Variants in TGFB1I1 observed in about 807,000 individuals in gnomAD.
TGFB1I1 encodes the protein transforming growth factor beta 1 induced transcript 1.
Under a neutral mutation model 52.0 loss-of-function variants are expected in TGFB1I1, and 33 were observed. The ratio of observed to expected loss-of-function variants is 0.63; its 90% CI spans 0.48 to 0.85. The LOEUF is 0.85. TGFB1I1 is among the 40% of genes least tolerant of loss of function. TGFB1I1 has a pLI of 0.00. For missense variants in TGFB1I1, 577 were observed against 614.9 expected (o/e 0.94, Z 0.65); for synonymous variants, 236 against 253.3 (o/e 0.93, Z 0.65).
rs1447688628 is a variant in TGFB1I1, at chr16:31,474,321, CTGAGA to C, written c.414-25_414-21del. The C allele has an allele frequency of 1.9e-6, 3 of 1,613,896 alleles. No homozygotes were observed. In the African/African-American group the frequency reaches 4.0e-5, roughly 22 times the overall value. ...AGAGGGAGCGTTGCTCTGGGAGGCT[CTGAGA>C]TGACACAAGCATGTTCTTCACAGCC... is the stretch of plus-strand genomic sequence containing the variant. On this transcript the variant is annotated intron_variant, in intron 5 of 10. Transcript: ENST00000394863. This position sits in a 1 kb window ranked among gnomAD's most constrained non-coding sequence, Gnocchi z 4.2.
Position 31,476,954 on chromosome 16 carries a change from G to C in TGFB1I1, c.1063G>C (p.Asp355His), listed in dbSNP as rs1397351826. The C allele has an allele frequency of 1.2e-6, 2 of 1,603,368 alleles. No homozygotes were observed. Among genetic ancestry groups the C allele is most frequent in the African/African-American group, 2.7e-5 (2 of 74,892 alleles). ...CCAGGGCTGCCAGGGCCCCATCCTG[G>C]ATAACTACATCTCGGCGCTCAGCGC... ...RCQGCQGPILDNYISALSALW... is the reference protein window; with the variant it reads ...RCQGCQGPILHNYISALSALW... Residue 355 changes from aspartate (D) to histidine (H), a missense_variant, in exon 10 of 11, where the codon GAT becomes CAT. By Grantham distance (81) the Asp-to-His change is moderately conservative (BLOSUM62 -1). Transcript: ENST00000394863. This position sits in a 1 kb window ranked among gnomAD's most constrained non-coding sequence, Gnocchi z 7.6.
chr16:31,473,632 T>TG, intron 2 of TGFB1I1, 50 bp from the exon 3 acceptor site: 1 of 1,598,608 alleles, frequency 6.3e-7, no homozygotes, highest in East Asian at 2.2e-5. Flanking sequence ...TCAGCCTCAG[T>TG]GGGGCAGAGT....
chr16:31,473,798 C>G, intron 3 of TGFB1I1, 37 bp from the exon 4 acceptor site: 16 of 1,608,216 alleles, frequency 9.9e-6, no homozygotes, highest in Non-Finnish European at 1.3e-5. Context: ...GCTTGGATTC[C>G]CCACCCCTGA....
At chr16:31,473,114 A>T in intron 1 of TGFB1I1, 1 of 841,468 alleles carries the variant, frequency 1.2e-6, no homozygotes, top group Admixed American at 4.9e-5. Context: ...CAGAAAGCTG[A>T]GGGCCAGGCA....
chr16:31,472,304 C>G (rs1247845180), intron 1 of TGFB1I1, 103 bp downstream of exon 1: 29 of 1,365,224 alleles, frequency 2.1e-5, no homozygotes, highest in Non-Finnish European at 2.7e-5. Flanking sequence ...CTTCTTACTT[C>G]TGCTTTTCGC....
rs370830608 is a variant in TGFB1I1, at chr16:31,476,945, C to T, written c.1054C>T (p.Pro352Ser). 4 of 1,604,640 alleles carry T rather than the reference C, an allele frequency of 2.5e-6. No individual in the cohort carries two copies. The highest frequency in any genetic ancestry group is 3.4e-6 in the Non-Finnish European group (4 of 1,178,624). The change falls in exon 10 of 11, where the codon CCC becomes TCC. Residue 352 changes from proline (P) to serine (S), a missense_variant. By Grantham distance (74) the Pro-to-Ser change is moderately conservative. Around this residue, in one of 3 missense-constraint regions of TGFB1I1, gnomAD observed 456 missense variants for 461.6 expected, o/e 0.99. Transcript: ENST00000394863. This position sits in a 1 kb window ranked among gnomAD's most constrained non-coding sequence, Gnocchi z 7.6. ...FAPRCQGCQG[P>S]ILDNYISALS... ...CCCGCGCTGCCAGGGCTGCCAGGGC[C>T]CCATCCTGGATAACTACATCTCGGC...
rs45574141 is a variant in TGFB1I1 at position 31,476,443 on chromosome 16, C to T, written c.889-38C>T. 1,841 of 1,590,018 alleles carry T rather than the reference C, an allele frequency of 1.2e-3. 24 individuals carry two copies. In the African/African-American group the frequency reaches 0.022, roughly 19 times the overall value. ...CGCGCGGGAGAGGAAGGCGCGAAGG[C>T]ACGGAGGCCGCGCTGAGTGCCCTCT... On this transcript the variant is annotated intron_variant, in intron 8 of 10. Coordinates refer to ENST00000394863, the MANE Select transcript of TGFB1I1 (RefSeq NM_001042454.3). The surrounding 1 kb of genome is among the most constrained non-coding windows in gnomAD (Gnocchi z 7.6).
rs376744669 is a variant in TGFB1I1, at chr16:31,474,256, T to C, written c.413+17T>C. 7.4e-6 allele frequency: 12 copies of C among 1,613,958 alleles called. No individual in the cohort carries two copies. The highest frequency in any genetic ancestry group is 4.0e-5 in the African/African-American group (3 of 74,906). ...ACCCAGCCTGTGAGTTTGGCGTCGT[T>C]GTCAGGGCTGAGAGATGAGTCCTGG... is the stretch of plus-strand genomic sequence containing the variant. On this transcript the variant is annotated intron_variant, in intron 5 of 10. Transcript: ENST00000394863. The surrounding 1 kb of genome is among the most constrained non-coding windows in gnomAD (Gnocchi z 4.2).
chr16:31,472,254 G>T, intron 1 of TGFB1I1, 53 bp downstream of exon 1: 2 of 1,430,348 alleles, frequency 1.4e-6, no homozygotes, highest in South Asian at 1.4e-5. Flanking sequence ...GCCCAGAGCT[G>T]CCTCCCCGCC....
At chr16:31,473,225 G>A in intron 1 of TGFB1I1, 1 of 1,369,184 alleles carries the variant, frequency 7.3e-7, no homozygotes, top group African/African-American at 1.5e-5. Context: ...ATAATCAGGA[G>A]GCTGGGTTTG....
rs751055194 is a variant in TGFB1I1, at chr16:31,476,848, GT to G, written c.971-12del. 8 of 1,611,630 alleles carry G rather than the reference GT, an allele frequency of 5.0e-6. No homozygotes were observed. The African/African-American group carries it at 9.3e-5, about 19-fold the overall frequency. The stretch of plus-strand genomic sequence containing the variant: ...GCACCCTTTGCTTTCAGCCCACTCG[GT>G]TCCCTCTCCTAGGTTTCCACGAGCG... On this transcript the variant is annotated splice_polypyrimidine_tract_variant and intron_variant, in intron 9 of 10. Coordinates refer to ENST00000394863, the MANE Select transcript of TGFB1I1 (RefSeq NM_001042454.3). This position sits in a 1 kb window ranked among gnomAD's most constrained non-coding sequence, Gnocchi z 7.6.
chr16:31,472,748 C>A (rs967650609), intron 1 of TGFB1I1: 1 of 152,596 alleles, frequency 6.6e-6, no homozygotes, highest in Non-Finnish European at 1.5e-5. Flanking sequence ...GGCAGGACTT[C>A]TGGGTTCTGG....
rs1267438499 is a variant in TGFB1I1 at position 31,474,664 on chromosome 16, G to A, written c.621G>A (p.Met207Ile). 2 of 1,613,402 alleles carry A rather than the reference G, an allele frequency of 1.2e-6. No homozygotes were observed. Among genetic ancestry groups the A allele is most frequent in the Admixed American group, 1.7e-5 (1 of 59,960 alleles). Reference sequence around the variant, plus strand: ...CTGGCAAGGGCAGCCTAGACACCATGCTGGGGCTGCTGCAGTCCGACCTCA... The same window carrying A: ...CTGGCAAGGGCAGCCTAGACACCATACTGGGGCTGCTGCAGTCCGACCTCA... ...EPTGKGSLDT[M>I]LGLLQSDLSR... The change falls in exon 7 of 11, where the codon ATG (methionine) becomes ATA (isoleucine). Residue 207 changes from methionine (M) to isoleucine (I), a missense_variant. This residue lies in a region of TGFB1I1 where 456 missense variants were observed against 461.6 expected (regional missense o/e 0.99). Coordinates refer to ENST00000394863, the MANE Select transcript of TGFB1I1 (RefSeq NM_001042454.3). This position sits in a 1 kb window ranked among gnomAD's most constrained non-coding sequence, Gnocchi z 4.2.
chr16:31,477,041 G>A lies in TGFB1I1; in HGVS notation c.1119+31G>A, dbSNP rs971096269. ...AGCTGCGGGGCGGGGCGTTGGAGGG[G>A]CGGGTCAAGGGTACAGGGCTGTGGG... is the stretch of plus-strand genomic sequence containing the variant. On this transcript the variant is annotated intron_variant, in intron 10 of 10. Transcript: ENST00000394863. The surrounding 1 kb of genome is among the most constrained non-coding windows in gnomAD (Gnocchi z 4.7). 3.2e-6 allele frequency: 5 copies of A among 1,543,522 alleles called. No homozygotes were observed. In the Admixed American group the frequency reaches 9.4e-5, roughly 29 times the overall value.
Position 31,476,194 on chromosome 16 carries a change from C to A in TGFB1I1, c.888+9C>A, listed in dbSNP as rs146100882. On this transcript the variant is annotated intron_variant, in intron 8 of 10. Coordinates refer to ENST00000394863, the MANE Select transcript of TGFB1I1 (RefSeq NM_001042454.3). The surrounding 1 kb of genome is among the most constrained non-coding windows in gnomAD (Gnocchi z 7.6). ...ACCAGCCCATCCGACACGTGAGCCC[C>A]GCCCGGCCGCACCGAGCCCGCCCTA... is the stretch of plus-strand genomic sequence containing the variant. 2.4e-5 allele frequency: 39 copies of A among 1,609,262 alleles called. No homozygotes were observed. The African/African-American group carries it at 4.7e-4, about 19-fold the overall frequency.
At chr16:31,472,343 C>A (rs1042263205) in intron 1 of TGFB1I1, 142 bp downstream of exon 1, 4 of 1,300,742 alleles carry the variant, frequency 3.1e-6, no homozygotes, top group Non-Finnish European at 3.9e-6. Context: ...TCCAACTCCA[C>A]GTCCCCCTTC....
Position 31,474,590 on chromosome 16 carries a change from C to A in TGFB1I1, c.547C>A (p.Pro183Thr). The change falls in exon 7 of 11, where the codon CCG becomes ACG. Residue 183 changes from proline to threonine, a missense_variant. This residue lies in a region of TGFB1I1 where 456 missense variants were observed against 461.6 expected (regional missense o/e 0.99). Coordinates refer to ENST00000394863, the MANE Select transcript of TGFB1I1 (RefSeq NM_001042454.3). The surrounding 1 kb of genome is among the most constrained non-coding windows in gnomAD (Gnocchi z 4.2). The part of the protein sequence containing the change: ...HLPASGPTQP[P>T]VVSSTNEGSP... ...TCCAGCCTCTGGGCCAACTCAGCCACCGGTGGTGAGCTCCACAAATGAGGG... is the reference window on the plus strand; with the variant it reads ...TCCAGCCTCTGGGCCAACTCAGCCAACGGTGGTGAGCTCCACAAATGAGGG... The A allele has an allele frequency of 1.2e-6, 2 of 1,609,198 alleles. No homozygotes were observed. Among genetic ancestry groups the A allele is most frequent in the South Asian group, 1.1e-5 (1 of 90,830 alleles).
intron 1 of TGFB1I1, 159 bp from the exon 2 acceptor site, chr16:31,473,282 T>G (rs2082401584): frequency 7.0e-6 from 10 of 1,426,722 alleles, no homozygotes; most frequent in Non-Finnish European, 9.1e-6. Context: ...GTCATAAATA[T>G]TCCTTGCTAC....
Position 31,474,013 on chromosome 16 carries a change from G to A in TGFB1I1, c.325+36G>A. The A allele has an allele frequency of 1.2e-6, 2 of 1,612,686 alleles. No homozygotes were observed. The highest frequency in any genetic ancestry group is 1.7e-6 in the Non-Finnish European group (2 of 1,178,994). ...GACTGAGAGAGGCCTTGATGCGATA[G>A]GGGCAGGGGAGGGAAGGGTGGGGCA... On this transcript the variant is annotated intron_variant, in intron 4 of 10. Coordinates refer to ENST00000394863, the MANE Select transcript of TGFB1I1 (RefSeq NM_001042454.3). This position sits in a 1 kb window ranked among gnomAD's most constrained non-coding sequence, Gnocchi z 4.2.
Sources: allele counts gnomAD v4.1 joint callset, GRCh38; gene constraint gnomAD v4.1.1; regional missense constraint gnomAD v4.1.1; non-coding constraint Gnocchi (gnomAD v3.1); transcripts MANE v1.5; gene names NCBI Gene and HGNC (gene_info 2026-07-23, HGNC 2026-07-21).